The following CFAP45 variants were observed in gnomAD, a reference collection of about 807,000 sequenced individuals.
The protein encoded by CFAP45 is cilia and flagella associated protein 45.
In CFAP45, 43 loss-of-function variants were observed where a neutral mutation model predicts 75.6. That is an observed-to-expected ratio of 0.57 (90% CI 0.45 to 0.73). The LOEUF (loss-of-function observed/expected upper bound fraction) is 0.73, where lower values mean the gene tolerates loss of function less well. Among genes scored for constraint, CFAP45 ranks in the 30% least tolerant of loss-of-function variants. The pLI is 0.00. For missense variants in CFAP45, 689 were observed against 701.5 expected, an observed-to-expected ratio of 0.98 and a Z score of 0.20; for synonymous variants, 223 against 244.6, an observed-to-expected ratio of 0.91 and a Z score of 0.82.
At chr1:159,882,415 A>G (rs1474613765) in intron 7 of CFAP45, among the ~76,000 whole-genome samples, 1 of 152,106 alleles carries the variant, frequency 6.6e-6, no homozygotes, top group East Asian at 1.9e-4. Flanking sequence ...CTATTTATTT[A>G]CTTTTTGGAT....
chr1:159,890,710 C>CTCTAT, intron 2 of CFAP45, 88 bp from the exon 3 acceptor site: 1 of 1,178,110 alleles, frequency 8.5e-7, no homozygotes, highest in Non-Finnish European at 1.2e-6. Context: ...CAGCGTGATG[C>CTCTAT]CCTGTATCTG....
chr1:159,875,199 G>A (rs552286378), intron 10 of CFAP45, among the ~76,000 whole-genome samples: 2 of 152,348 alleles, frequency 1.3e-5, no homozygotes, highest in South Asian at 4.1e-4. Flanking sequence ...AGCAAAAGTA[G>A]GACTTAAATT....
At chr1:159,899,759 G>A (rs1046979094) in intron 1 of CFAP45, among the ~76,000 whole-genome samples, 4 of 152,012 alleles carry the variant, frequency 2.6e-5, no homozygotes, top group African/African-American at 9.7e-5. Context: ...AAGCCACCGC[G>A]CCCGGCCCAC....
At chr1:159,883,978 G>A (rs1239934998) in intron 7 of CFAP45, among the ~76,000 whole-genome samples, 1 of 152,130 alleles carries the variant, frequency 6.6e-6, no homozygotes, top group African/African-American at 2.4e-5. Context: ...AGGAAGAAAA[G>A]GTTTGGCTTC....
intron 1 of CFAP45, among the ~76,000 whole-genome samples, chr1:159,896,747 C>T (rs1649960510): frequency 6.6e-6 from 1 of 152,154 alleles, no homozygotes; most frequent in Admixed American, 6.5e-5. Flanking sequence ...GATAAAGATG[C>T]CAGCCCTGCT....
Position 159,896,605 on chromosome 1 carries a change from C to A in CFAP45, c.4-3300G>T, listed in dbSNP as rs1184185597. ...GGGCTGGTTTTCTTCTTTGCATGAC[C>A]AAATAAATATTGCCAAGAAGCTGAA... is the stretch of plus-strand genomic sequence containing the variant. On this transcript the variant is annotated intron_variant, in intron 1 of 11. Transcript: ENST00000368099. 5.9e-5 allele frequency among the ~76,000 whole-genome samples: 9 copies of A among 152,178 alleles called. No individual in the cohort carries two copies. In the East Asian group the frequency reaches 1.7e-3, roughly 29 times the overall value.
chr1:159,887,933 C>G lies in CFAP45; in HGVS notation c.496G>C (p.Glu166Gln). Reference protein sequence around the residue: ...WNNNKKLSDLEEVAKERAQNL... With the variant: ...WNNNKKLSDLQEVAKERAQNL... ...TGGGCCCGTTCCTTGGCCACCTCCT[C>G]CAGGTCACTGAGCTTCTTGTTGTTG... The change falls in exon 5 of 12, where the codon GAG (glutamate) becomes CAG (glutamine). Residue 166 changes from glutamate (E) to glutamine (Q), a missense_variant. Glu to Gln is a conservative substitution (Grantham distance 29). Transcript: ENST00000368099. 2.5e-6 allele frequency: 4 copies of G among 1,614,224 alleles called. No homozygotes were observed. Among genetic ancestry groups the G allele is most frequent in the Non-Finnish European group, 3.4e-6 (4 of 1,180,016 alleles).
At position 159,873,016 on chromosome 1, in the gene CFAP45, C is replaced by T. The variant is rs1187771080; in HGVS notation, c.1505G>A (p.Arg502His). 8.1e-6 allele frequency: 13 copies of T among 1,614,134 alleles called. No individual in the cohort carries two copies. The highest frequency in any genetic ancestry group is 2.2e-5 in the East Asian group (1 of 44,894). Residue 502 changes from arginine (R) to histidine (H), a missense_variant, in exon 11 of 12, where the codon CGC becomes CAC. Physicochemically the swap from Arg to His is conservative, Grantham distance 29. Coordinates refer to ENST00000368099, the MANE Select transcript of CFAP45 (RefSeq NM_012337.3). ...NRIATFEEGR[R>H]LKEEAQKRRE... ...GCGTTTCTGGGCCTCCTCTTTGAGG[C>T]GCCGGCCCTCCTCAAAGGTGGCAAT...
chr1:159,878,948 T>G (rs1438050790), intron 8 of CFAP45, among the ~76,000 whole-genome samples: 1 of 151,946 alleles, frequency 6.6e-6, no homozygotes, highest in African/African-American at 2.4e-5. Flanking sequence ...CTTTTAGCTC[T>G]GCAGGGGCAG....
At chr1:159,891,659 G>A (rs1649833894) in intron 2 of CFAP45, among the ~76,000 whole-genome samples, 1 of 152,194 alleles carries the variant, frequency 6.6e-6, no homozygotes, top group Admixed American at 6.5e-5. Context: ...CAGAGGCAGG[G>A]GGATGGCCCC....
chr1:159,887,795 G>A (rs1649724811), intron 5 of CFAP45, 46 bp downstream of exon 5: 1 of 1,569,648 alleles, frequency 6.4e-7, no homozygotes, highest in South Asian at 1.2e-5. Flanking sequence ...GAGGGCGGAG[G>A]GATGGCAGTG....
intron 6 of CFAP45, 46 bp downstream of exon 6, chr1:159,886,465 A>G: frequency 2.6e-6 from 4 of 1,512,230 alleles, no homozygotes; most frequent in Non-Finnish European, 3.7e-6. Flanking sequence ...ACCTAAAGAT[A>G]CATGGAAATA....
In CFAP45 at chr1:159,876,632, C is replaced by T; in HGVS notation, c.1276G>A (p.Glu426Lys). 24 of 1,614,174 alleles carry T rather than the reference C, an allele frequency of 1.5e-5. No individual in the cohort carries two copies. The highest frequency in any genetic ancestry group is 1.9e-5 in the Non-Finnish European group (23 of 1,180,026). ...TEAELRKSRL[E>K]QVAFKEHALA... is the part of the protein sequence containing the mutation. Reference sequence around the variant, plus strand: ...GCGTGCTCCTTGAAAGCCACCTGTTCGAGCCGACTTTTTCGCAGCTCAGCC... The same window carrying T: ...GCGTGCTCCTTGAAAGCCACCTGTTTGAGCCGACTTTTTCGCAGCTCAGCC... The change falls in exon 10 of 12, where the codon GAA becomes AAA. Residue 426 changes from glutamate (E) to lysine (K), a missense_variant. Physicochemically the swap from Glu to Lys is moderately conservative, Grantham distance 56. Transcript: ENST00000368099.
intron 1 of CFAP45, among the ~76,000 whole-genome samples, chr1:159,898,591 C>A (rs1650002784): frequency 6.6e-6 from 1 of 152,216 alleles, no homozygotes; most frequent in African/African-American, 2.4e-5. Flanking sequence ...CCCTGAGTGG[C>A]TCCTGGATGG....
intron 5 of CFAP45, among the ~76,000 whole-genome samples, chr1:159,887,160 T>G (rs780494284): frequency 2.6e-5 from 4 of 152,156 alleles, no homozygotes; most frequent in Non-Finnish European, 4.4e-5. Context: ...ACAAGATTTT[T>G]AAGCTGGAAG....
Position 159,887,996 on chromosome 1 carries a change from G to GTGTCA in CFAP45, c.428_432dup (p.Arg145Ter), listed in dbSNP as rs1557914690. 6.2e-7 allele frequency: 1 copy of GTGTCA among 1,614,066 alleles called. No homozygotes were observed. Among genetic ancestry groups the GTGTCA allele is most frequent in the Admixed American group, 1.7e-5 (1 of 60,016 alleles). On this transcript the variant is annotated stop_gained and frameshift_variant, in exon 5 of 12. Coordinates refer to ENST00000368099, the MANE Select transcript of CFAP45 (RefSeq NM_012337.3). LOFTEE classifies it high-confidence loss of function. ...TCCTTCTGTTTCATGATCTTCTTTCGTGTCATCACTGCATCCTAAGGGAGA... is the reference window on the plus strand; with the variant it reads ...TCCTTCTGTTTCATGATCTTCTTTCGTGTCATGTCATCACTGCATCCTAAGGGAGA...
At chr1:159,894,058 T>C (rs1649893165) in intron 1 of CFAP45, among the ~76,000 whole-genome samples, 2 of 152,192 alleles carry the variant, frequency 1.3e-5, no homozygotes, top group Admixed American at 6.5e-5. Flanking sequence ...ACACAATGTA[T>C]ATACATGTAT....
intron 7 of CFAP45, among the ~76,000 whole-genome samples, chr1:159,882,158 T>A (rs1649564570): frequency 1.3e-5 from 2 of 152,048 alleles, no homozygotes; most frequent in African/African-American, 4.8e-5. Context: ...GTCACAGACA[T>A]TCCCTCTCTC....
intron 2 of CFAP45, among the ~76,000 whole-genome samples, chr1:159,891,730 T>A (rs577773276): frequency 3.4e-4 from 52 of 152,262 alleles, no homozygotes; most frequent in African/African-American, 1.2e-3. Context: ...CTGGTGCCCA[T>A]CTCTGCTTTC....
Sources: gnomAD v4.1 joint callset for allele counts (sites outside exome capture counted in the v4.1 genomes callset) on GRCh38, gnomAD v4.1.1 for gene constraint, MANE v1.5 for transcripts, NCBI Gene and HGNC (gene_info 2026-07-23, HGNC 2026-07-21) for gene names.